CDS1: variants seen among roughly 807,000 people sequenced by gnomAD.
CDS1 encodes CDP-diacylglycerol synthase 1.
A neutral mutation model predicts 62.1 loss-of-function variants in CDS1; 41 were observed. The observed-to-expected ratio is 0.66, with a 90% CI of 0.51 to 0.86. CDS1 has a LOEUF of 0.86. Ranked by LOEUF, CDS1 falls within the 40% of genes least tolerant of loss-of-function variation. CDS1 has a pLI of 0.00. For missense variants in CDS1, 470 were observed against 550.1 expected (o/e 0.85, Z 1.46); for synonymous variants, 185 against 192.6 (o/e 0.96, Z 0.32).
intron 7 of CDS1, 71 bp from the exon 8 acceptor site, chr4:84,635,193 C>T (rs922328146): frequency 1.3e-6 from 1 of 749,274 alleles, no homozygotes; most frequent in Middle Eastern, 3.5e-4. Flanking sequence ...GAATCATAAC[C>T]TTTCCGAATA....
At position 84,651,196 on chromosome 4, in the gene CDS1, C is replaced by T. The variant is rs1052435937; in HGVS notation, c.*2510C>T. 2.0e-5 allele frequency: 3 copies of T among 152,132 alleles called. No homozygotes were observed. Among genetic ancestry groups the T allele is most frequent in the African/African-American group, 4.8e-5 (2 of 41,424 alleles). 9.4% of individuals were successfully genotyped at this position (152,132 alleles called of 1,614,324 possible). On this transcript the variant is annotated 3_prime_UTR_variant, in exon 13 of 13. Transcript: ENST00000295887. ...ACTTTGGTTTGAACAAAGATAGTGT[C>T]ACCTTGTTCCGTGAAAAAGAAAAAG...
At chr4:84,606,354 G>A (rs1403929895) in intron 2 of CDS1, among the ~76,000 whole-genome samples, 1 of 151,786 alleles carries the variant, frequency 6.6e-6, no homozygotes, top group Non-Finnish European at 1.5e-5. Flanking sequence ...GTATGGATGT[G>A]TGTAAAGCAA....
At chr4:84,642,994 C>A (rs766091420) in intron 10 of CDS1, 30 bp from the exon 11 acceptor site, 1 of 1,561,372 alleles carries the variant, frequency 6.4e-7, no homozygotes, top group South Asian at 1.2e-5. Context: ...TGAAATTAGC[C>A]CCTCTCCTCC....
intron 12 of CDS1, among the ~76,000 whole-genome samples, chr4:84,646,499 A>G (rs945993644): frequency 2.6e-5 from 4 of 151,898 alleles, no homozygotes; most frequent in Non-Finnish European, 4.4e-5. Context: ...TGATATTTGT[A>G]TTTTCATTAT....
At chr4:84,606,253 A>G (rs1382758856) in intron 2 of CDS1, among the ~76,000 whole-genome samples, 4 of 152,050 alleles carry the variant, frequency 2.6e-5, no homozygotes, top group Admixed American at 2.0e-4. Flanking sequence ...CTACCAAGAC[A>G]TTAATATTTA....
chr4:84,590,062 T>C (rs558989970), intron 1 of CDS1, among the ~76,000 whole-genome samples: 32 of 152,282 alleles, frequency 2.1e-4, no homozygotes, highest in East Asian at 1.2e-3. Flanking sequence ...CTGCCCGCCT[T>C]GGCCTCCCAA....
rs1167295964 is a variant in CDS1 at position 84,638,871 on chromosome 4, T to TA, written c.811-53_811-52insA. 1,130 of 498,252 alleles carry TA rather than the reference T, an allele frequency of 2.3e-3. 4 individuals carry two copies. The highest frequency in any genetic ancestry group is 3.3e-3 in the Admixed American group (94 of 28,426). The allele number at this position is 498,252 out of a possible 1,614,324, so 30.9% of individuals were successfully genotyped here. ...TTTATATATATATATATATATATAT[T>TA]GTGAGTTTTGTGAGTGCAGTAAAGC... On this transcript the variant is annotated intron_variant, in intron 8 of 12. Coordinates refer to ENST00000295887, the MANE Select transcript of CDS1 (RefSeq NM_001263.4).
At chr4:84,635,383 T>G (rs893841965) in intron 8 of CDS1, 32 bp downstream of exon 8, 1 of 1,023,746 alleles carries the variant, frequency 9.8e-7, no homozygotes, top group Non-Finnish European at 1.5e-6. Flanking sequence ...CAAGCCACTA[T>G]GTAACCTTAA....
intron 1 of CDS1, among the ~76,000 whole-genome samples, chr4:84,584,167 C>T (rs1722344480): frequency 1.3e-5 from 2 of 152,272 alleles, no homozygotes; most frequent in East Asian, 1.9e-4. Flanking sequence ...TTCATGAAGA[C>T]TTTTCACTTC....
At chr4:84,615,469 C>A (rs1416774099) in intron 3 of CDS1, among the ~76,000 whole-genome samples, 1 of 152,078 alleles carries the variant, frequency 6.6e-6, no homozygotes, top group Non-Finnish European at 1.5e-5. Context: ...CCTTCTTACC[C>A]CCACCTTTGT....
chr4:84,647,752 T>C (rs1026529577), intron 12 of CDS1, among the ~76,000 whole-genome samples: 1 of 152,198 alleles, frequency 6.6e-6, no homozygotes, highest in Non-Finnish European at 1.5e-5. Flanking sequence ...AGTAAATAGT[T>C]CCTCTGCTCA....
At chr4:84,605,060 T>C (rs1296459531) in intron 2 of CDS1, among the ~76,000 whole-genome samples, 2 of 152,214 alleles carry the variant, frequency 1.3e-5, no homozygotes, top group Non-Finnish European at 2.9e-5. Context: ...TTGTATACTT[T>C]AGTAATATGA....
intron 2 of CDS1, among the ~76,000 whole-genome samples, chr4:84,608,950 A>G (rs1723219903): frequency 6.6e-6 from 1 of 151,896 alleles, no homozygotes; most frequent in Admixed American, 6.6e-5. Flanking sequence ...AGGCCGAGGC[A>G]AGCAGATCAT....
At chr4:84,585,146 G>A (rs1722376167) in intron 1 of CDS1, among the ~76,000 whole-genome samples, 2 of 152,120 alleles carry the variant, frequency 1.3e-5, no homozygotes, top group Non-Finnish European at 2.9e-5. Flanking sequence ...AACTACTTCT[G>A]TAGTGTGATT....
chr4:84,614,258 A>G (rs1270442354), intron 3 of CDS1, among the ~76,000 whole-genome samples: 1 of 152,170 alleles, frequency 6.6e-6, no homozygotes, highest in African/African-American at 2.4e-5. Flanking sequence ...TCTCTAAAAA[A>G]ACCAAACTTT....
At chr4:84,643,379 G>T (rs1724453889) in intron 11 of CDS1, among the ~76,000 whole-genome samples, 1 of 152,092 alleles carries the variant, frequency 6.6e-6, no homozygotes, top group Admixed American at 6.6e-5. Context: ...TTATAGACAT[G>T]GCATGTGTCC....
intron 2 of CDS1, among the ~76,000 whole-genome samples, chr4:84,608,820 C>T (rs903181340): frequency 7.9e-5 from 12 of 152,108 alleles, no homozygotes; most frequent in African/African-American, 2.9e-4. Context: ...CTGACTTTCA[C>T]ATCCACCCTG....
chr4:84,635,527 T>C (rs1455285819), intron 8 of CDS1, among the ~76,000 whole-genome samples, 176 bp downstream of exon 8: 1 of 151,830 alleles, frequency 6.6e-6, no homozygotes, highest in African/African-American at 2.4e-5. Flanking sequence ...TCTGGGTTCT[T>C]CATCAGCTCT....
Position 84,643,050 on chromosome 4 carries a change from G to C in CDS1, c.1059G>C (p.Gln353His), listed in dbSNP as rs1376072943. ...AAAGAGTGAGCTTGTACCCTTTCCA[G>C]ATCCACAGCATTGCACTGTCAACCT... ...RQERVSLYPF[Q>H]IHSIALSTFA... Residue 353 changes from glutamine to histidine, a missense_variant, in exon 11 of 13, where the codon CAG (glutamine) becomes CAC (histidine). Physicochemically the swap from Gln to His is conservative, Grantham distance 24 (BLOSUM62 0). Coordinates refer to ENST00000295887, the MANE Select transcript of CDS1 (RefSeq NM_001263.4). The C allele has an allele frequency of 6.2e-7, 1 of 1,610,318 alleles. No individual in the cohort carries two copies. Among genetic ancestry groups the C allele is most frequent in the African/African-American group, 1.3e-5 (1 of 74,822 alleles).
Sources: gnomAD v4.1 joint callset for allele counts (sites outside exome capture counted in the v4.1 genomes callset) on GRCh38, gnomAD v4.1.1 for gene constraint, MANE v1.5 for transcripts, NCBI Gene and HGNC (gene_info 2026-07-23, HGNC 2026-07-21) for gene names.